The following PDE3A variants were observed in gnomAD, a reference collection of about 807,000 sequenced individuals.
PDE3A encodes the protein cGMP-inhibited 3',5'-cyclic phosphodiesterase 3A.
In PDE3A, 43 loss-of-function variants were observed where a neutral mutation model predicts 98.3. The observed-to-expected ratio is 0.44, with a 90% CI of 0.34 to 0.56. The LOEUF is 0.56. PDE3A is among the 20% of genes least tolerant of loss of function. The pLI, the probability that PDE3A is intolerant of heterozygous loss-of-function variation, is 0.01. For missense variants in PDE3A, 1,427 were observed against 1,440.7 expected (o/e 0.99, Z 0.15); for synonymous variants, 663 against 567.9 (o/e 1.17, Z -2.38).
In PDE3A at chr12:20,652,258, A is replaced by G. The variant is rs61921464; in HGVS notation, c.2925+1658A>G. Among the ~76,000 whole-genome samples, 1,301 of 152,280 alleles carry G rather than the reference A, an allele frequency of 8.5e-3. 11 individuals are homozygous for G. Among genetic ancestry groups the G allele is most frequent in the Non-Finnish European group, 0.014 (974 of 68,024 alleles). On this transcript the variant is annotated intron_variant, in intron 14 of 15. Transcript: ENST00000359062. ...GTGCATGTGTCTTTATAGCAGCATG[A>G]TTTGTAGTCCTTTGGGTATATACCC...
At chr12:20,614,477 C>T (rs1378819165) in intron 3 of PDE3A, among the ~76,000 whole-genome samples, 2 of 152,126 alleles carry the variant, frequency 1.3e-5, no homozygotes, top group African/African-American at 4.8e-5. Flanking sequence ...AACATCTGTG[C>T]TTCTGCTGTT....
At chr12:20,611,674 T>C (rs1943857855) in intron 2 of PDE3A, among the ~76,000 whole-genome samples, 1 of 151,936 alleles carries the variant, frequency 6.6e-6, no homozygotes, top group African/African-American at 2.4e-5. Flanking sequence ...ATGATAATTT[T>C]ACAGAGTAAT....
At chr12:20,551,637 C>G (rs1942203786) in intron 1 of PDE3A, 2 of 1,585,202 alleles carry the variant, frequency 1.3e-6, no homozygotes, top group Non-Finnish European at 1.7e-6. Flanking sequence ...GCGATGAGTG[C>G]GACATGGCCT....
intron 1 of PDE3A, among the ~76,000 whole-genome samples, chr12:20,532,849 C>T (rs1255639855): frequency 2.0e-5 from 3 of 152,022 alleles, no homozygotes; most frequent in East Asian, 1.9e-4. Flanking sequence ...CCACTACGCC[C>T]GGCTAACTTT....
At chr12:20,464,205 C>T (rs578143884) in intron 1 of PDE3A, among the ~76,000 whole-genome samples, 2 of 152,108 alleles carry the variant, frequency 1.3e-5, no homozygotes, top group East Asian at 1.9e-4. Context: ...TGTTATTGCC[C>T]TTATTAACAT....
At chr12:20,386,540 C>T (rs1304842084) in intron 1 of PDE3A, among the ~76,000 whole-genome samples, 1 of 151,032 alleles carries the variant, frequency 6.6e-6, no homozygotes, top group Non-Finnish European at 1.5e-5. Flanking sequence ...GGGGTTTCAC[C>T]ATGTTGGCCA....
At chr12:20,442,906 C>T (rs917606055) in intron 1 of PDE3A, among the ~76,000 whole-genome samples, 1 of 152,012 alleles carries the variant, frequency 6.6e-6, no homozygotes, top group African/African-American at 2.4e-5. Context: ...AAGAACAAAG[C>T]AGTGTCACAG....
chr12:20,465,166 G>A (rs956396709), intron 1 of PDE3A, among the ~76,000 whole-genome samples: 8 of 152,072 alleles, frequency 5.3e-5, no homozygotes, highest in Admixed American at 4.6e-4. Flanking sequence ...GATAAAAGTC[G>A]ATGAAGTTGG....
intron 2 of PDE3A, among the ~76,000 whole-genome samples, chr12:20,593,158 T>C (rs1202186102): frequency 3.3e-5 from 5 of 152,140 alleles, no homozygotes; most frequent in Non-Finnish European, 5.9e-5. Flanking sequence ...TATATTAAAG[T>C]TGAATCTTGA....
chr12:20,578,066 C>T (rs183961909), intron 2 of PDE3A, among the ~76,000 whole-genome samples: 2 of 152,030 alleles, frequency 1.3e-5, no homozygotes, highest in Non-Finnish European at 2.9e-5. Flanking sequence ...TCAATGAAGT[C>T]GGAAGAAATT....
intron 1 of PDE3A, among the ~76,000 whole-genome samples, chr12:20,418,503 C>T (rs774137060): frequency 1.3e-5 from 2 of 152,142 alleles, no homozygotes; most frequent in Non-Finnish European, 2.9e-5. Flanking sequence ...ATATACTTTC[C>T]TCAGCCGTTT....
chr12:20,667,565 C>A (rs1175376699), intron 15 of PDE3A, among the ~76,000 whole-genome samples: 1 of 152,120 alleles, frequency 6.6e-6, no homozygotes, highest in East Asian at 1.9e-4. Flanking sequence ...GCACCTTTGT[C>A]ATAAATCAGT....
At position 20,552,326 on chromosome 12, in the gene PDE3A, C is replaced by T; in HGVS notation, c.961-4334C>T. ...ATCTACAAGGTTGTGAAATACTGGC[C>T]CGAGAAGGGGAAGTCCGGGTTTCTC... On this transcript the variant is annotated intron_variant, in intron 1 of 15. Transcript: ENST00000359062. This position sits in a 1 kb window ranked among gnomAD's most constrained non-coding sequence, Gnocchi z 5.1. The T allele has an allele frequency of 6.2e-7, 1 of 1,613,778 alleles. No homozygotes were observed. Among genetic ancestry groups the T allele is most frequent in the Non-Finnish European group, 8.5e-7 (1 of 1,179,858 alleles).
At chr12:20,616,896 A>AT (rs1944021443) in intron 4 of PDE3A, among the ~76,000 whole-genome samples, 1 of 152,224 alleles carries the variant, frequency 6.6e-6, no homozygotes, top group Non-Finnish European at 1.5e-5. Flanking sequence ...GAGGATATTA[A>AT]TTCCAATTTT....
intron 10 of PDE3A, among the ~76,000 whole-genome samples, chr12:20,642,821 C>T (rs1944674919): frequency 2.0e-5 from 3 of 152,090 alleles, no homozygotes; most frequent in African/African-American, 7.2e-5. Flanking sequence ...AGAGTATTAA[C>T]TATATTCCAA....
chr12:20,386,104 T>TATATAA (rs1184630117), intron 1 of PDE3A, among the ~76,000 whole-genome samples: 45,939 of 75,226 alleles, frequency 0.61, 15,355 homozygotes, highest in East Asian at 0.89. Context: ...TATATAAATA[T>TATATAA]ATATATAAAT....
intron 1 of PDE3A, among the ~76,000 whole-genome samples, 179 bp downstream of exon 1, chr12:20,370,423 G>GTT (rs571234280): frequency 3.5e-5 from 3 of 85,954 alleles, no homozygotes; most frequent in Non-Finnish European, 7.6e-5. Flanking sequence ...TTTTTTTTTT[G>GTT]TTTTTTTGCC....
intron 1 of PDE3A, among the ~76,000 whole-genome samples, chr12:20,533,681 C>T (rs1181221974): frequency 2.6e-5 from 4 of 151,308 alleles, no homozygotes; most frequent in South Asian, 4.2e-4. Flanking sequence ...GGGGTTTCAC[C>T]GTGTTAGCCA....
chr12:20,497,922 C>T (rs1591990758), intron 1 of PDE3A, among the ~76,000 whole-genome samples: 3 of 152,242 alleles, frequency 2.0e-5, no homozygotes, highest in Middle Eastern at 3.4e-3. Context: ...CATTAACCAG[C>T]TCTCAGGGAG....
Sources: allele counts gnomAD v4.1 joint callset (sites outside exome capture counted in the v4.1 genomes callset), GRCh38; gene constraint gnomAD v4.1.1; non-coding constraint Gnocchi (gnomAD v3.1); transcripts MANE v1.5; gene names NCBI Gene and HGNC (gene_info 2026-07-23, HGNC 2026-07-21).